The following EYS variants were observed in gnomAD, a reference collection of about 807,000 sequenced individuals.
The protein encoded by EYS is EGF-like photoreceptor maintenance factor.
Under a neutral mutation model 282.1 loss-of-function variants are expected in EYS, and 250 were observed. The ratio of observed to expected loss-of-function variants is 0.89; its 90% CI spans 0.80 to 0.98. The LOEUF (loss-of-function observed/expected upper bound fraction) is 0.98. Among genes scored for constraint, EYS ranks in the 50% least tolerant of loss-of-function variants. EYS has a pLI of 0.00. For missense variants in EYS, 4,016 were observed against 3,709.0 expected (o/e 1.08, Z -2.15); for synonymous variants, 1,355 against 1,282.9 (o/e 1.06, Z -1.20).
chr6:64,951,875 C>T lies in EYS; in HGVS notation c.2260-5961G>A, dbSNP rs59884128. On this transcript the variant is annotated intron_variant, in intron 14 of 42. Transcript: ENST00000503581. ...ATTTGTTTAATTGGAATATCAAAAA[C>T]GAAGGTAGAGAAATTGGGCAAGAAC... Among the ~76,000 whole-genome samples, 375 of 151,660 alleles carry T rather than the reference C, an allele frequency of 2.5e-3. 3 individuals carry two copies. Among genetic ancestry groups the T allele is most frequent in the African/African-American group, 8.6e-3 (355 of 41,438 alleles).
chr6:64,219,129 T>C (rs1766017158), intron 31 of EYS, among the ~76,000 whole-genome samples: 1 of 152,216 alleles, frequency 6.6e-6, no homozygotes, highest in Non-Finnish European at 1.5e-5. Context: ...AATGAGCACC[T>C]GCTAAGGAAT....
chr6:64,477,826 AT>A (rs1427864046), intron 26 of EYS, among the ~76,000 whole-genome samples: 1 of 152,150 alleles, frequency 6.6e-6, no homozygotes, highest in Non-Finnish European at 1.5e-5. Context: ...ATCTTTCAAA[AT>A]TAAAGCAATG....
chr6:65,007,402 C>T (rs557643681), intron 13 of EYS, among the ~76,000 whole-genome samples: 6 of 152,260 alleles, frequency 3.9e-5, no homozygotes, highest in African/African-American at 9.6e-5. Context: ...TCTGCAGTAC[C>T]GCCTGGCCAC....
At chr6:64,244,219 T>C (rs1766931185) in intron 30 of EYS, among the ~76,000 whole-genome samples, 1 of 152,200 alleles carries the variant, frequency 6.6e-6, no homozygotes, top group African/African-American at 2.4e-5. Flanking sequence ...ACTTCTTCAA[T>C]TGTTTTCATC....
At position 65,174,382 on chromosome 6, in the gene EYS, C is replaced by T. The variant is rs941266236; in HGVS notation, c.2024-116655G>A. ...AGCACTGATTTCTAAATACAAATTT[C>T]AAAAATATTTGTAATTTCTCTGTCC... is the stretch of plus-strand genomic sequence containing the variant. On this transcript the variant is annotated intron_variant, in intron 12 of 42. Transcript: ENST00000503581. 1.1e-4 allele frequency among the ~76,000 whole-genome samples: 16 copies of T among 151,214 alleles called. No homozygotes were observed. The Admixed American group carries it at 1.1e-3, about 10-fold the overall frequency.
At chr6:65,537,534 A>G (rs1768006782) in intron 2 of EYS, among the ~76,000 whole-genome samples, 1 of 92,582 alleles carries the variant, frequency 1.1e-5, no homozygotes, top group South Asian at 5.5e-4. Flanking sequence ...ACACACATAT[A>G]TTTATATATA....
chr6:63,966,574 C>T (rs1766320731), intron 35 of EYS, among the ~76,000 whole-genome samples: 1 of 152,122 alleles, frequency 6.6e-6, no homozygotes, highest in African/African-American at 2.4e-5. Flanking sequence ...TAGAACATGC[C>T]ATAGGAAGCA....
At chr6:64,808,399 A>G (rs1051277085) in intron 22 of EYS, among the ~76,000 whole-genome samples, 1 of 152,110 alleles carries the variant, frequency 6.6e-6, no homozygotes, top group African/African-American at 2.4e-5. Flanking sequence ...TGGGTTTATA[A>G]CTAGCTTTAT....
At chr6:65,361,424 G>A (rs1331633404) in intron 8 of EYS, among the ~76,000 whole-genome samples, 1 of 151,486 alleles carries the variant, frequency 6.6e-6, no homozygotes, top group Non-Finnish European at 1.5e-5. Context: ...AATGACTTGT[G>A]AGGTGACTGA....
chr6:65,033,105 G>C (rs2150144884), intron 13 of EYS, among the ~76,000 whole-genome samples: 1 of 152,292 alleles, frequency 6.6e-6, no homozygotes, highest in South Asian at 2.1e-4. Context: ...ATACCTGGCA[G>C]AGGAAATTTC....
chr6:64,713,612 A>G lies in EYS; in HGVS notation c.3444-87367T>C, dbSNP rs892070521. Among the ~76,000 whole-genome samples, 60 of 152,122 alleles carry G rather than the reference A, an allele frequency of 3.9e-4. 1 individual carries two copies. The highest frequency in any genetic ancestry group is 1.4e-3 in the African/African-American group (60 of 41,428). ...CCTAGGGAGTATAGGGGACTTAGAA[A>G]TAAAGAACTATTTACCTATAAATCT... On this transcript the variant is annotated intron_variant, in intron 22 of 42. Coordinates refer to ENST00000503581, the MANE Select transcript of EYS (RefSeq NM_001142800.2).
intron 39 of EYS, among the ~76,000 whole-genome samples, chr6:63,784,348 T>TA (rs1770311851): frequency 6.6e-6 from 1 of 152,152 alleles, no homozygotes; most frequent in Admixed American, 6.5e-5. Flanking sequence ...TTTATTGAAT[T>TA]AAAAAATCAG....
chr6:64,346,264 G>A lies in EYS; in HGVS notation c.6079-39182C>T, dbSNP rs199938524. Among the ~76,000 whole-genome samples, 9 of 152,182 alleles carry A rather than the reference G, an allele frequency of 5.9e-5. No individual in the cohort carries two copies. In the East Asian group the frequency reaches 1.7e-3, roughly 29 times the overall value. ...AGACACATGCATACGTATGTTTATT[G>A]TGGCACTATTCACAATAGCAAAGAC... On this transcript the variant is annotated intron_variant, in intron 29 of 42. Coordinates refer to ENST00000503581, the MANE Select transcript of EYS (RefSeq NM_001142800.2).
chr6:64,743,781 C>T (rs2149963186), intron 22 of EYS, among the ~76,000 whole-genome samples: 1 of 152,016 alleles, frequency 6.6e-6, no homozygotes, highest in African/African-American at 2.4e-5. Context: ...AGAATTGTTA[C>T]AAAAAGTGTC....
At chr6:64,184,125 T>C (rs1363853797) in intron 31 of EYS, among the ~76,000 whole-genome samples, 1 of 152,168 alleles carries the variant, frequency 6.6e-6, no homozygotes, top group Non-Finnish European at 1.5e-5. Context: ...CCCAGCTTTA[T>C]TGTCTTCCAT....
intron 19 of EYS, among the ~76,000 whole-genome samples, chr6:64,824,476 C>T (rs1245046032): frequency 6.6e-6 from 1 of 151,892 alleles, no homozygotes; most frequent in Non-Finnish European, 1.5e-5. Flanking sequence ...TTATTACTTT[C>T]AGGTTCTTGA....
chr6:64,848,024 GTTTA>G (rs1393075545), intron 19 of EYS, among the ~76,000 whole-genome samples: 4 of 152,010 alleles, frequency 2.6e-5, no homozygotes, highest in Non-Finnish European at 5.9e-5. Context: ...AGTATAGATA[GTTTA>G]TTTGTCTATA....
At chr6:64,703,496 G>T (rs577645520) in intron 22 of EYS, among the ~76,000 whole-genome samples, 1 of 137,860 alleles carries the variant, frequency 7.3e-6, no homozygotes, top group Non-Finnish European at 1.5e-5. Context: ...GCAGTGGCGC[G>T]ATCTCAGCTC....
chr6:64,400,136 T>C (rs1773497730), intron 28 of EYS, among the ~76,000 whole-genome samples: 2 of 151,980 alleles, frequency 1.3e-5, no homozygotes, highest in Admixed American at 1.3e-4. Context: ...AGGTTTTTCC[T>C]TGAAAGTTAG....
Sources: gnomAD v4.1 joint callset for allele counts (sites outside exome capture counted in the v4.1 genomes callset) on GRCh38, gnomAD v4.1.1 for gene constraint, MANE v1.5 for transcripts, NCBI Gene and HGNC (gene_info 2026-07-23, HGNC 2026-07-21) for gene names.